The following TAFA2 variants were observed in gnomAD, a reference collection of about 807,000 sequenced individuals.
The protein encoded by TAFA2 is TAFA chemokine like family member 2.
A neutral mutation model predicts 18.8 loss-of-function variants in TAFA2; 7 were observed. That is an observed-to-expected ratio of 0.37 (90% CI 0.21 to 0.70). TAFA2 has a LOEUF of 0.70. Among genes scored for constraint, TAFA2 ranks in the 30% least tolerant of loss-of-function variants. The pLI is 0.53. For synonymous variants in TAFA2, 60 were observed against 54.2 expected (o/e 1.11, Z -0.47); for missense variants, 122 against 158.1 (o/e 0.77, Z 1.23).
At position 62,063,880 on chromosome 12, in the gene TAFA2, A is replaced by ACACACACG. The variant is rs764270569; in HGVS notation, c.-2+127378_-2+127379insCGTGTGTG. ...GACACACACACACACACACACACAC[A>ACACACACG]CACATGCATACACACACACAAAATA... On this transcript the variant is annotated intron_variant, in intron 1 of 4. Transcript: ENST00000416284. Among the ~76,000 whole-genome samples the ACACACACG allele has an allele frequency of 1.5e-3, 233 of 152,066 alleles. 1 individual carries two copies. Among genetic ancestry groups the ACACACACG allele is most frequent in the Non-Finnish European group, 2.4e-3 (166 of 67,940 alleles).
intron 1 of TAFA2, among the ~76,000 whole-genome samples, chr12:61,884,523 CT>C (rs1875287932): frequency 6.6e-6 from 1 of 152,140 alleles, no homozygotes; most frequent in Non-Finnish European, 1.5e-5. Context: ...GAATGCCTCT[CT>C]CAATATTAGG....
At chr12:62,092,970 A>G (rs540113142) in intron 1 of TAFA2, among the ~76,000 whole-genome samples, 25 of 152,126 alleles carry the variant, frequency 1.6e-4, no homozygotes, top group Admixed American at 5.9e-4. Context: ...TTTCCAATCA[A>G]ATTTACATAT....
At position 61,732,260 on chromosome 12, in the gene TAFA2, G is replaced by A. The variant is rs191982499; in HGVS notation, c.384+21362C>T. Reference sequence around the variant, plus strand: ...GAGATGAAAAAAGTACAAAAGGGTGGTGTGGTGTCAGTGAAATAAGCAAGG... The same window carrying A: ...GAGATGAAAAAAGTACAAAAGGGTGATGTGGTGTCAGTGAAATAAGCAAGG... On this transcript the variant is annotated intron_variant, in intron 4 of 4. Coordinates refer to ENST00000416284, the MANE Select transcript of TAFA2 (RefSeq NM_178539.5). Among the ~76,000 whole-genome samples, 873 of 152,218 alleles carry A rather than the reference G, an allele frequency of 5.7e-3. 7 individuals are homozygous for A. The highest frequency in any genetic ancestry group is 0.02 in the African/African-American group (830 of 41,564).
At chr12:62,123,384 A>G (rs1146088) in intron 1 of TAFA2, among the ~76,000 whole-genome samples, 141,365 of 152,014 alleles carry the variant, frequency 0.93, 65,767 homozygotes, top group Non-Finnish European at 0.94. Flanking sequence ...GTAAGGTAAT[A>G]GACTGAAGAA....
chr12:62,186,310 G>A (rs904660319), intron 1 of TAFA2, among the ~76,000 whole-genome samples: 14 of 152,176 alleles, frequency 9.2e-5, no homozygotes, highest in Admixed American at 5.2e-4. Flanking sequence ...CTAGTTTGTA[G>A]CAGCAAATAT....
chr12:61,866,051 T>C (rs1462408694), intron 2 of TAFA2, among the ~76,000 whole-genome samples: 1 of 152,234 alleles, frequency 6.6e-6, no homozygotes, highest in Non-Finnish European at 1.5e-5. Context: ...TTTTTAATTT[T>C]ACACTGATAA....
At chr12:61,969,142 T>C (rs568425011) in intron 1 of TAFA2, among the ~76,000 whole-genome samples, 4 of 151,752 alleles carry the variant, frequency 2.6e-5, no homozygotes, top group Non-Finnish European at 5.9e-5. Flanking sequence ...ATTGGAGCAC[T>C]CTAGTGTTTC....
chr12:61,813,773 C>CT (rs1374159094), intron 2 of TAFA2, among the ~76,000 whole-genome samples: 1 of 151,466 alleles, frequency 6.6e-6, no homozygotes, highest in Admixed American at 6.6e-5. Flanking sequence ...AGCTGTGACT[C>CT]TGAGAAAATT....
At chr12:62,131,153 A>T (rs1870667316) in intron 1 of TAFA2, among the ~76,000 whole-genome samples, 1 of 151,960 alleles carries the variant, frequency 6.6e-6, no homozygotes, top group African/African-American at 2.4e-5. Flanking sequence ...CATACATGGC[A>T]GTTCACTGGA....
chr12:62,093,944 G>C (rs902335474), intron 1 of TAFA2, among the ~76,000 whole-genome samples: 4 of 152,062 alleles, frequency 2.6e-5, no homozygotes, highest in Non-Finnish European at 5.9e-5. Flanking sequence ...AAGTCCCAAA[G>C]AGGAGGAGAT....
chr12:61,976,572 G>A (rs1456322832), intron 1 of TAFA2, among the ~76,000 whole-genome samples: 1 of 151,612 alleles, frequency 6.6e-6, no homozygotes, highest in Non-Finnish European at 1.5e-5. Flanking sequence ...AAGTTCTAGG[G>A]TACATGTGCA....
chr12:62,234,025 T>C (rs1907971), intron 1 of TAFA2, among the ~76,000 whole-genome samples: 26,998 of 152,200 alleles, frequency 0.18, 2,697 homozygotes, highest in African/African-American at 0.27. Flanking sequence ...ATTTTGTCTA[T>C]GATCTTTCTG....
In TAFA2 at chr12:61,740,999, T is replaced by C. The variant is rs1170428169; in HGVS notation, c.384+12623A>G. On this transcript the variant is annotated intron_variant, in intron 4 of 4. Transcript: ENST00000416284. ...AGTATAAGCTATATGTATTATTTTT[T>C]GTTTTAATTTGGCAATTTGAGTTTT... Among the ~76,000 whole-genome samples the C allele has an allele frequency of 1.3e-5, 2 of 152,088 alleles. 1 individual carries two copies. Among genetic ancestry groups the C allele is most frequent in the East Asian group, 3.9e-4 (2 of 5,178 alleles).
intron 1 of TAFA2, among the ~76,000 whole-genome samples, chr12:61,899,961 T>G (rs1169030582): frequency 6.6e-6 from 1 of 152,178 alleles, no homozygotes; most frequent in African/African-American, 2.4e-5. Context: ...CTGTGGGAGA[T>G]TCTAAAATCA....
chr12:61,770,407 A>T (rs1869976371), intron 2 of TAFA2, among the ~76,000 whole-genome samples: 1 of 152,132 alleles, frequency 6.6e-6, no homozygotes, highest in Non-Finnish European at 1.5e-5. Context: ...ATTCATTGCA[A>T]AAAGATCACC....
chr12:62,210,503 G>T (rs1440861892), intron 1 of TAFA2, among the ~76,000 whole-genome samples: 1 of 152,092 alleles, frequency 6.6e-6, no homozygotes, highest in Non-Finnish European at 1.5e-5. Flanking sequence ...TTCCTTATGC[G>T]CTTTGGCCAC....
chr12:61,756,027 T>G (rs1436483688), intron 2 of TAFA2, among the ~76,000 whole-genome samples: 1 of 152,100 alleles, frequency 6.6e-6, no homozygotes, highest in Non-Finnish European at 1.5e-5. Context: ...TTAAGTTGTT[T>G]AATGGCATAA....
At chr12:62,215,109 G>A (rs1454580845) in intron 1 of TAFA2, among the ~76,000 whole-genome samples, 2 of 152,180 alleles carry the variant, frequency 1.3e-5, no homozygotes, top group East Asian at 3.9e-4. Flanking sequence ...TTTTGCACAA[G>A]CTATCTCTGT....
At chr12:61,917,708 G>A (rs949347553) in intron 1 of TAFA2, among the ~76,000 whole-genome samples, 1 of 152,146 alleles carries the variant, frequency 6.6e-6, no homozygotes, top group Non-Finnish European at 1.5e-5. Context: ...TAGAAGGAAA[G>A]CAGAAAGAAT....
Sources: gnomAD v4.1 joint callset for allele counts (sites outside exome capture counted in the v4.1 genomes callset) on GRCh38, gnomAD v4.1.1 for gene constraint, MANE v1.5 for transcripts, NCBI Gene and HGNC (gene_info 2026-07-23, HGNC 2026-07-21) for gene names.